The following FAR2 variants were observed in gnomAD, a reference collection of about 807,000 sequenced individuals.
The protein encoded by FAR2 is fatty acyl-CoA reductase 2.
Under a neutral mutation model 56.0 loss-of-function variants are expected in FAR2, and 19 were observed. The observed-to-expected ratio is 0.34, with a 90% CI of 0.24 to 0.50. FAR2 has a LOEUF of 0.50. FAR2 is among the 20% of genes least tolerant of loss of function. FAR2 has a pLI of 0.98. For missense variants in FAR2, 508 were observed against 642.2 expected (o/e 0.79, Z 2.26); for synonymous variants, 219 against 218.8 (o/e 1.00, Z -0.01).
intron 1 of FAR2, among the ~76,000 whole-genome samples, chr12:29,210,205 C>G (rs1014268588): frequency 4.6e-5 from 7 of 151,996 alleles, no homozygotes; most frequent in Middle Eastern, 3.4e-3. Flanking sequence ...GAACCTCTCT[C>G]AAAATAAATT....
Position 29,312,063 on chromosome 12 carries a change from G to A in FAR2, c.955+113G>A, listed in dbSNP as rs988765617. 4.6e-5 allele frequency: 31 copies of A among 667,958 alleles called. No homozygotes were observed. In the African/African-American group the frequency reaches 4.8e-4, roughly 10 times the overall value. The allele number at this position is 667,958 out of a possible 1,614,324, so 41.4% of individuals were successfully genotyped here. A position where few individuals can be genotyped will look rare whatever the true frequency, so the allele number is the denominator to read the frequency against. On this transcript the variant is annotated intron_variant, in intron 8 of 11. Transcript: ENST00000536681. ...ATATGGGGAGAAAGACAAAAAGTAA[G>A]TAAAGAGACAAAATAATGAGAAATT...
At chr12:29,297,533 G>A (rs1047377473) in intron 4 of FAR2, among the ~76,000 whole-genome samples, 4 of 152,180 alleles carry the variant, frequency 2.6e-5, no homozygotes, top group African/African-American at 9.7e-5. Flanking sequence ...TAGTATAAAA[G>A]TTCAGAAGAA....
intron 9 of FAR2, among the ~76,000 whole-genome samples, chr12:29,321,458 G>C (rs1949550115): frequency 6.6e-6 from 1 of 152,098 alleles, no homozygotes; most frequent in Non-Finnish European, 1.5e-5. Context: ...TTTTCTAATT[G>C]TCTACATCAG....
At chr12:29,199,252 G>T (rs908805862) in intron 1 of FAR2, among the ~76,000 whole-genome samples, 3 of 152,252 alleles carry the variant, frequency 2.0e-5, no homozygotes, top group Admixed American at 6.5e-5. Context: ...TATTAACAAG[G>T]CATAAAAATT....
intron 2 of FAR2, chr12:29,277,928 CTTTCTTTT>C (rs1175518694): frequency 7.7e-5 from 7 of 90,360 alleles, no homozygotes; most frequent in African/African-American, 2.7e-4. Context: ...TACATATTTT[CTTTCTTTT>C]TTTTTTTTTT....
intron 1 of FAR2, among the ~76,000 whole-genome samples, chr12:29,198,388 C>A (rs185921751): frequency 6.6e-6 from 1 of 152,188 alleles, no homozygotes; most frequent in East Asian, 1.9e-4. Flanking sequence ...GCCACCATGC[C>A]CAGCTAATTT....
chr12:29,319,872 A>G (rs996521334), intron 9 of FAR2, among the ~76,000 whole-genome samples: 4 of 152,180 alleles, frequency 2.6e-5, no homozygotes, highest in African/African-American at 9.7e-5. Context: ...TGAATCAATC[A>G]TTGTTTTCCT....
chr12:29,295,708 CTTCTCTAATTTTT>C (rs1327329848), intron 3 of FAR2, among the ~76,000 whole-genome samples: 1 of 146,400 alleles, frequency 6.8e-6, no homozygotes, highest in African/African-American at 2.5e-5. Context: ...CTTCCCTTTT[CTTCTCTAATTTTT>C]GTTTATATAC....
chr12:29,294,958 A>C (rs2136754164), intron 3 of FAR2, among the ~76,000 whole-genome samples: 1 of 152,322 alleles, frequency 6.6e-6, no homozygotes, highest in South Asian at 2.1e-4. Context: ...AAAGCTCTTA[A>C]ACTAAATTTC....
chr12:29,191,465 C>G (rs187299970), intron 1 of FAR2, among the ~76,000 whole-genome samples: 1 of 152,236 alleles, frequency 6.6e-6, no homozygotes, highest in African/African-American at 2.4e-5. Context: ...ACCATTGAGA[C>G]AGTAAGGCCG....
chr12:29,189,773 A>G (rs1184420147), intron 1 of FAR2, among the ~76,000 whole-genome samples: 1 of 152,244 alleles, frequency 6.6e-6, no homozygotes, highest in Non-Finnish European at 1.5e-5. Context: ...AATATTTTAT[A>G]AAACAACAGC....
chr12:29,285,913 T>TA (rs1047635592), intron 2 of FAR2, among the ~76,000 whole-genome samples: 1 of 151,836 alleles, frequency 6.6e-6, no homozygotes, highest in East Asian at 1.9e-4. Context: ...GCTTCAGTCT[T>TA]AAAAAAAGCT....
chr12:29,205,351 G>A (rs1947467250), intron 1 of FAR2, among the ~76,000 whole-genome samples: 1 of 152,208 alleles, frequency 6.6e-6, no homozygotes, highest in South Asian at 2.1e-4. Context: ...GAACATGTCT[G>A]ATAATTTCCA....
At chr12:29,262,482 TAGTC>T (rs1348543965) in intron 1 of FAR2, among the ~76,000 whole-genome samples, 4 of 151,836 alleles carry the variant, frequency 2.6e-5, no homozygotes, top group Admixed American at 6.6e-5. Flanking sequence ...AATACAAAAT[TAGTC>T]AGGCATGGTG....
At chr12:29,221,094 TAAC>T (rs1313862693) in intron 1 of FAR2, among the ~76,000 whole-genome samples, 3 of 151,948 alleles carry the variant, frequency 2.0e-5, no homozygotes, top group Non-Finnish European at 4.4e-5. Flanking sequence ...CAATAACTGG[TAAC>T]AACACTCCCT....
chr12:29,264,634 A>AATAT (rs1272074464), intron 1 of FAR2, among the ~76,000 whole-genome samples: 1 of 118,366 alleles, frequency 8.4e-6, no homozygotes, highest in African/African-American at 3.6e-5. Context: ...TAAATAAATA[A>AATAT]ATAAATAAAT....
intron 2 of FAR2, among the ~76,000 whole-genome samples, chr12:29,279,917 T>C (rs1275443303): frequency 6.8e-6 from 1 of 146,622 alleles, no homozygotes; most frequent in Non-Finnish European, 1.5e-5. Flanking sequence ...TGTTTTATAT[T>C]GTGCAATATA....
At chr12:29,295,650 C>T (rs1193379795) in intron 3 of FAR2, among the ~76,000 whole-genome samples, 1 of 150,628 alleles carries the variant, frequency 6.6e-6, no homozygotes, top group Non-Finnish European at 1.5e-5. Context: ...ATTATATATT[C>T]ATTTATGATG....
chr12:29,309,381 T>C, intron 6 of FAR2, 151 bp downstream of exon 6: 1 of 646,622 alleles, frequency 1.5e-6, no homozygotes. Flanking sequence ...CTGATTGTAA[T>C]ATACAGGCAG....
Sources: gnomAD v4.1 joint callset for allele counts (sites outside exome capture counted in the v4.1 genomes callset) on GRCh38, gnomAD v4.1.1 for gene constraint, MANE v1.5 for transcripts, NCBI Gene and HGNC (gene_info 2026-07-23, HGNC 2026-07-21) for gene names.